Variants in EP400 observed in about 807,000 individuals in gnomAD.
The protein encoded by EP400 is E1A-binding protein p400.
EP400 carries 105 observed loss-of-function variants against 354.1 expected under a neutral mutation model. The observed-to-expected ratio is 0.30, with a 90% confidence interval of 0.25 to 0.35. EP400 has a LOEUF of 0.35. EP400 is among the 10% of genes least tolerant of loss of function. The pLI is 1.00. For synonymous variants in EP400, 1,646 were observed against 1,716.9 expected, an observed-to-expected ratio of 0.96 and a Z score of 1.02; for missense variants, 3,280 against 4,121.0, an observed-to-expected ratio of 0.80 and a Z score of 5.59.
intron 50 of EP400, 187 bp from the exon 51 acceptor site, chr12:132,069,308 G>C: frequency 1.3e-6 from 1 of 778,170 alleles, no homozygotes; most frequent in East Asian, 2.9e-5. Context: ...CGCATGGGCA[G>C]AGGTAGGCCT....
intron 1 of EP400, among the ~76,000 whole-genome samples, chr12:131,953,380 C>T (rs1891586312): frequency 6.6e-6 from 1 of 152,202 alleles, no homozygotes; most frequent in Non-Finnish European, 1.5e-5. Flanking sequence ...ATAGATCCCA[C>T]CTGTTCTAGT....
chr12:132,031,188 G>A (rs1239618543), intron 29 of EP400: 1 of 515,636 alleles, frequency 1.9e-6, no homozygotes, highest in Non-Finnish European at 3.9e-6. Flanking sequence ...CAACAGTGAG[G>A]TTAGAGGACT....
At chr12:132,040,730 A>G (rs1398380052) in intron 32 of EP400, among the ~76,000 whole-genome samples, 1 of 152,214 alleles carries the variant, frequency 6.6e-6, no homozygotes, top group Non-Finnish European at 1.5e-5. Flanking sequence ...TGCTGAATCC[A>G]GGGGAGAATG....
chr12:132,075,673 A>G lies in EP400; in HGVS notation c.9022-843A>G, dbSNP rs1896212015. ...TTAATTTTAGTAAGGACTAACATTT[A>G]TTTCGACCTTTGTTCATGTGTGAGT... On this transcript the variant is annotated intron_variant, in intron 51 of 52. Coordinates refer to ENST00000389561, the MANE Select transcript of EP400 (RefSeq NM_015409.5). The surrounding 1 kb of genome is among the most constrained non-coding windows in gnomAD (Gnocchi z 4.5). 1 of 152,238 alleles carries G rather than the reference A, an allele frequency of 6.6e-6. No individual in the cohort carries two copies. Among genetic ancestry groups the G allele is most frequent in the East Asian group, 1.9e-4 (1 of 5,200 alleles). The allele number at this position is 152,238 out of a possible 1,614,324, so 9.4% of individuals were successfully genotyped here. A position where few individuals can be genotyped will look rare whatever the true frequency, so the allele number is the denominator to read the frequency against.
intron 2 of EP400, among the ~76,000 whole-genome samples, chr12:131,978,051 G>A (rs1237825722): frequency 6.6e-6 from 1 of 152,202 alleles, no homozygotes; most frequent in Non-Finnish European, 1.5e-5. Flanking sequence ...TAATGGCAAG[G>A]ATGGTGACCA....
chr12:131,958,316 C>T (rs1228144449), intron 1 of EP400, among the ~76,000 whole-genome samples: 1 of 152,196 alleles, frequency 6.6e-6, no homozygotes, highest in Non-Finnish European at 1.5e-5. Context: ...TCTTGGGTGT[C>T]TCTGTGGCCT....
chr12:132,021,394 G>A (rs1894118090), intron 23 of EP400, 73 bp downstream of exon 23: 3 of 1,433,384 alleles, frequency 2.1e-6, no homozygotes, highest in South Asian at 1.5e-5. Context: ...ACACGGGGAT[G>A]TAGGAGGAGC....
At chr12:132,014,851 C>T (rs1022776132) in intron 19 of EP400, among the ~76,000 whole-genome samples, 2 of 152,196 alleles carry the variant, frequency 1.3e-5, no homozygotes, top group Admixed American at 6.5e-5. Context: ...TATGAGTGCA[C>T]TCTGGCCGTG....
At chr12:132,005,271 C>A (rs1440226936) in intron 13 of EP400, 87 bp downstream of exon 13, 3 of 940,060 alleles carry the variant, frequency 3.2e-6, no homozygotes, top group South Asian at 2.5e-5. Flanking sequence ...TAGAAAATTT[C>A]TTTTAGTTTG....
chr12:132,053,516 GC>G lies in EP400; in HGVS notation c.7651del (p.Gln2551ArgfsTer44). On this transcript the variant is annotated frameshift_variant, in exon 43 of 53. Transcript: ENST00000389561. LOFTEE classifies it high-confidence loss of function. Reference sequence around the variant, plus strand: ...CTGTCCAGCCCCAACCCCAGCCACAGCCCCAGACCCAGCCACAGCCTGTGCA... The same window carrying G: ...CTGTCCAGCCCCAACCCCAGCCACAGCCCAGACCCAGCCACAGCCTGTGCA... The part of the protein sequence containing the change: ...PAVQPQPQPQ[P>X]QTQPQPVQAP... 1 of 1,542,584 alleles carries G rather than the reference GC, an allele frequency of 6.5e-7. No homozygotes were observed. The highest frequency in any genetic ancestry group is 1.9e-5 in the Admixed American group (1 of 52,004).
chr12:131,980,739 C>G (rs1470459461), intron 3 of EP400, among the ~76,000 whole-genome samples: 1 of 152,160 alleles, frequency 6.6e-6, no homozygotes, highest in Non-Finnish European at 1.5e-5. Context: ...ATTTTAGGTA[C>G]AGTTGTGGTC....
rs373567790 is a variant in EP400 at position 131,990,124 on chromosome 12, T to C, written c.2550+20T>C. ...GAACAGGCGAGTGCTGCCGTTGTCA[T>C]GGGGTCGTAAGAATCAGTCTGTCGG... On this transcript the variant is annotated intron_variant, in intron 8 of 52. Coordinates refer to ENST00000389561, the MANE Select transcript of EP400 (RefSeq NM_015409.5). The surrounding 1 kb of genome is among the most constrained non-coding windows in gnomAD (Gnocchi z 4.2). The C allele has an allele frequency of 3.8e-6, 6 of 1,589,858 alleles. No individual in the cohort carries two copies. The highest frequency in any genetic ancestry group is 5.1e-6 in the Non-Finnish European group (6 of 1,170,848).
At chr12:132,005,566 G>A (rs1183947469) in intron 13 of EP400, among the ~76,000 whole-genome samples, 2 of 152,134 alleles carry the variant, frequency 1.3e-5, no homozygotes, top group Admixed American at 6.5e-5. Flanking sequence ...ACCAGAAAAG[G>A]TCTGCCTTTC....
intron 29 of EP400, chr12:132,031,508 C>G (rs1894494533): frequency 2.5e-6 from 1 of 407,462 alleles, no homozygotes; most frequent in East Asian, 6.1e-5. Context: ...CTTGGTGTTG[C>G]TTTAACATGA....
chr12:131,952,959 C>G (rs1245144204), intron 1 of EP400, among the ~76,000 whole-genome samples: 1 of 152,144 alleles, frequency 6.6e-6, no homozygotes, highest in Non-Finnish European at 1.5e-5. Context: ...CCCTTTCTCC[C>G]CATTCATCAG....
intron 23 of EP400, among the ~76,000 whole-genome samples, 175 bp downstream of exon 23, chr12:132,021,496 C>T (rs143074505): frequency 3.3e-5 from 5 of 152,380 alleles, no homozygotes; most frequent in African/African-American, 9.6e-5. Flanking sequence ...TAGCAGGGAG[C>T]GCCTCTGTGG....
In EP400 at chr12:132,025,121, G is replaced by T. The variant is rs1423609242; in HGVS notation, c.4856-525G>T. On this transcript the variant is annotated intron_variant, in intron 24 of 52. Transcript: ENST00000389561. This position sits in a 1 kb window ranked among gnomAD's most constrained non-coding sequence, Gnocchi z 4.1. ...TTGGCCCACAGAGGCTGGGTCGCTT[G>T]GTAACATCTCTGATGGCCGCCGGTT... is the stretch of plus-strand genomic sequence containing the variant. 6.6e-6 allele frequency among the ~76,000 whole-genome samples: 1 copy of T among 152,014 alleles called. No homozygotes were observed. Among genetic ancestry groups the T allele is most frequent in the Non-Finnish European group, 1.5e-5 (1 of 68,024 alleles).
chr12:131,959,239 C>A (rs775602070), intron 1 of EP400, among the ~76,000 whole-genome samples: 18 of 152,168 alleles, frequency 1.2e-4, no homozygotes, highest in Non-Finnish European at 2.2e-4. Context: ...CAGCAGCTGC[C>A]CCCTTGATGT....
chr12:132,042,252 G>T (rs926593106), intron 32 of EP400, among the ~76,000 whole-genome samples: 2 of 152,182 alleles, frequency 1.3e-5, no homozygotes, highest in Non-Finnish European at 2.9e-5. Flanking sequence ...TGCCCGGCCA[G>T]TTGTCTCTGT....
Sources: allele counts gnomAD v4.1 joint callset (sites outside exome capture counted in the v4.1 genomes callset), GRCh38; gene constraint gnomAD v4.1.1; non-coding constraint Gnocchi (gnomAD v3.1); transcripts MANE v1.5; gene names NCBI Gene and HGNC (gene_info 2026-07-23, HGNC 2026-07-21).